SLC25A18: variants seen among roughly 807,000 people sequenced by gnomAD.
SLC25A18 encodes mitochondrial glutamate carrier 2.
A neutral mutation model predicts 31.1 loss-of-function variants in SLC25A18; 24 were observed. The observed-to-expected ratio is 0.77, with a 90% CI of 0.56 to 1.08. The LOEUF (loss-of-function observed/expected upper bound fraction) is 1.08. Among genes scored for constraint, SLC25A18 ranks in the 50% least tolerant of loss-of-function variants. The pLI is 0.00. For missense variants in SLC25A18, 371 were observed against 418.5 expected (o/e 0.89, Z 0.99); for synonymous variants, 173 against 161.9 (o/e 1.07, Z -0.52).
rs1466208091 is a variant in SLC25A18, at chr22:17,590,314, G to A, written c.*78G>A. 1 of 1,584,520 alleles carries A rather than the reference G, an allele frequency of 6.3e-7. No homozygotes were observed. The highest frequency in any genetic ancestry group is 8.6e-7 in the Non-Finnish European group (1 of 1,160,946). On this transcript the variant is annotated 3_prime_UTR_variant, in exon 11 of 11. Transcript: ENST00000327451. ...ACTTAGCCTAGAGGGGGCAAGGGCA[G>A]GTGGGGCCACTCTGGCCTGCCTGGT...
intron 7 of SLC25A18, among the ~76,000 whole-genome samples, chr22:17,585,718 G>A (rs1395385210): frequency 6.8e-6 from 1 of 147,188 alleles, no homozygotes; most frequent in Non-Finnish European, 1.5e-5. Flanking sequence ...GCACTGTCTT[G>A]GCTCACTACA....
chr22:17,576,172 T>A (rs949800735), intron 2 of SLC25A18, among the ~76,000 whole-genome samples: 2 of 151,804 alleles, frequency 1.3e-5, no homozygotes. Context: ...GCCAACATGG[T>A]GAAACCCCAT....
intron 5 of SLC25A18, chr22:17,581,650 C>T (rs566998786): frequency 1.3e-5 from 7 of 547,570 alleles, no homozygotes; most frequent in African/African-American, 9.5e-5. Context: ...CGAGCCCTCC[C>T]TACCTGCCTG....
intron 7 of SLC25A18, chr22:17,584,136 G>A: frequency 3.1e-6 from 3 of 962,102 alleles, no homozygotes; most frequent in Non-Finnish European, 2.5e-6. Context: ...GCTCACGCCT[G>A]TAATCCCAGC....
At position 17,582,608 on chromosome 22, in the gene SLC25A18, A is replaced by G. The variant is rs1292028225; in HGVS notation, c.245A>G (p.Lys82Arg). 1 of 1,605,710 alleles carries G rather than the reference A, an allele frequency of 6.2e-7. No individual in the cohort carries two copies. Among genetic ancestry groups the G allele is most frequent in the Non-Finnish European group, 8.5e-7 (1 of 1,175,754 alleles). Residue 82 changes from lysine to arginine, a missense_variant, in exon 6 of 11, where the codon AAG (lysine) becomes AGG (arginine). Physicochemically the swap from Lys to Arg is conservative, Grantham distance 26. Transcript: ENST00000327451. ...CTGGTCACTCCAGAGAAGGCCATCA[A>G]GCTGGCGGCCAACGACTTTTTCCGG... ...LTLVTPEKAI[K>R]LAANDFFRRL...
intron 7 of SLC25A18, among the ~76,000 whole-genome samples, chr22:17,585,912 C>G (rs1301704100): frequency 2.0e-5 from 3 of 152,064 alleles, no homozygotes; most frequent in Non-Finnish European, 2.9e-5. Context: ...CTTGGCCTCC[C>G]TAAGTACTGG....
Position 17,589,675 on chromosome 22 carries a change from A to G in SLC25A18, c.806+10A>G. On this transcript the variant is annotated intron_variant, in intron 10 of 10. Coordinates refer to ENST00000327451, the MANE Select transcript of SLC25A18 (RefSeq NM_031481.3). ...TCACCGACTGTGCCAGGTGAGAGCC[A>G]GTGTCCCCTCAAATGGTGGCTGGGA... The G allele has an allele frequency of 3.1e-6, 5 of 1,613,970 alleles. No homozygotes were observed. In the South Asian group the frequency reaches 3.3e-5, roughly 11 times the overall value.
chr22:17,580,216 T>C lies in SLC25A18; in HGVS notation c.20+252T>C, dbSNP rs186179778. ...TCTTCTCTAACTACAAAATTAAGTT[T>C]ACAGTTCTCTTTATCGTCCCAAGTT... On this transcript the variant is annotated intron_variant, in intron 3 of 10. Coordinates refer to ENST00000327451, the MANE Select transcript of SLC25A18 (RefSeq NM_031481.3). 7.2e-3 allele frequency: 3,056 copies of C among 422,080 alleles called. 27 individuals are homozygous for C. Among genetic ancestry groups the C allele is most frequent in the Non-Finnish European group, 0.01 (2,448 of 241,166 alleles). 26.1% of individuals were successfully genotyped at this position (422,080 alleles called of 1,614,324 possible).
At chr22:17,586,652 G>A (rs939224530) in intron 7 of SLC25A18, among the ~76,000 whole-genome samples, 1 of 152,202 alleles carries the variant, frequency 6.6e-6, no homozygotes, top group African/African-American at 2.4e-5. Context: ...TGGTGCATGT[G>A]CCTATAACCC....
chr22:17,571,083 CA>C (rs1423826829), intron 2 of SLC25A18, among the ~76,000 whole-genome samples: 4 of 152,176 alleles, frequency 2.6e-5, no homozygotes, highest in Non-Finnish European at 5.9e-5. Flanking sequence ...AAGTTGAAAG[CA>C]GGGGGTGAGG....
chr22:17,589,853 G>C (rs1175945500), intron 10 of SLC25A18, among the ~76,000 whole-genome samples, 188 bp downstream of exon 10: 1 of 152,174 alleles, frequency 6.6e-6, no homozygotes, highest in Non-Finnish European at 1.5e-5. Flanking sequence ...CATCCCTACA[G>C]CATCTCTCAC....
chr22:17,580,711 G>A (rs948198128), intron 3 of SLC25A18: 103 of 1,097,580 alleles, frequency 9.4e-5, no homozygotes, highest in Non-Finnish European at 1.1e-4. Context: ...CCAGGCCTGC[G>A]GAGGAGCCAG....
chr22:17,574,111 A>G (rs990625358), intron 2 of SLC25A18, among the ~76,000 whole-genome samples: 9 of 152,182 alleles, frequency 5.9e-5, no homozygotes, highest in Admixed American at 5.9e-4. Context: ...TCATACACCT[A>G]TGGTCCCAAC....
intron 2 of SLC25A18, among the ~76,000 whole-genome samples, chr22:17,570,825 T>C (rs1298019217): frequency 6.6e-6 from 1 of 152,134 alleles, no homozygotes; most frequent in African/African-American, 2.4e-5. Context: ...GTAATTTTCA[T>C]GGGGAAGCAA....
At chr22:17,577,889 C>G (rs1015118501) in intron 2 of SLC25A18, among the ~76,000 whole-genome samples, 3 of 151,634 alleles carry the variant, frequency 2.0e-5, no homozygotes, top group Admixed American at 6.6e-5. Flanking sequence ...GTTGCCCAGA[C>G]TGGTCTCGAA....
rs117506103 is a variant in SLC25A18 at position 17,570,931 on chromosome 22, G to T, written c.-201+945G>T. ...CCAAGAATGGGGTGACTCCAGAAAG[G>T]CATGTGGGAGGAGGTGACGTCTGAG... On this transcript the variant is annotated intron_variant, in intron 2 of 10. Coordinates refer to ENST00000327451, the MANE Select transcript of SLC25A18 (RefSeq NM_031481.3). Among the ~76,000 whole-genome samples, 51 of 152,340 alleles carry T rather than the reference G, an allele frequency of 3.3e-4. 1 individual carries two copies. The East Asian group carries it at 9.1e-3, about 27-fold the overall frequency.
chr22:17,590,181 C>T lies in SLC25A18; in HGVS notation c.893C>T (p.Ala298Val). The change falls in exon 11 of 11, where the codon GCT (alanine) becomes GTT (valine). Residue 298 changes from alanine (A) to valine (V), a missense_variant. Transcript: ENST00000327451. ...ALVIAPLFGIAQGVYFIGIGE... is the reference protein window; with the variant it reads ...ALVIAPLFGIVQGVYFIGIGE... ...GTCATAGCACCTCTCTTTGGGATTG[C>T]TCAAGGGGTCTATTTTATTGGGATT... is the stretch of plus-strand genomic sequence containing the variant. 1 of 1,614,218 alleles carries T rather than the reference C, an allele frequency of 6.2e-7. No individual in the cohort carries two copies. Among genetic ancestry groups the T allele is most frequent in the East Asian group, 2.2e-5 (1 of 44,888 alleles).
chr22:17,580,909 G>A lies in SLC25A18; in HGVS notation c.21-128G>A, dbSNP rs1438712256. On this transcript the variant is annotated intron_variant, in intron 3 of 10. Coordinates refer to ENST00000327451, the MANE Select transcript of SLC25A18 (RefSeq NM_031481.3). ...AGACCTGGGCCAGGGAGGCTGAAGA[G>A]GGTCTCTGGACACCTGTGGGGCTGG... 12 of 1,436,780 alleles carry A rather than the reference G, an allele frequency of 8.4e-6. No individual in the cohort carries two copies. The Admixed American group carries it at 1.4e-4, about 17-fold the overall frequency. 89.0% of individuals were successfully genotyped at this position (1,436,780 alleles called of 1,614,324 possible). A position where few individuals can be genotyped will look rare whatever the true frequency, so the allele number is the denominator to read the frequency against.
chr22:17,581,180 G>A (rs755737429), intron 4 of SLC25A18, 21 bp downstream of exon 4: 77 of 1,582,500 alleles, frequency 4.9e-5, no homozygotes, highest in Non-Finnish European at 6.1e-5. Flanking sequence ...GCAGGCGAGC[G>A]TGGAGGGCAG....
Sources: gnomAD v4.1 joint callset for allele counts (sites outside exome capture counted in the v4.1 genomes callset) on GRCh38, gnomAD v4.1.1 for gene constraint, MANE v1.5 for transcripts, NCBI Gene and HGNC (gene_info 2026-07-23, HGNC 2026-07-21) for gene names.